C8orf34: variants seen among roughly 807,000 people sequenced by gnomAD.
C8orf34 encodes chromosome 8 open reading frame 34.
Under a neutral mutation model 68.3 loss-of-function variants are expected in C8orf34, and 65 were observed. The observed-to-expected ratio is 0.95, with a 90% CI of 0.78 to 1.17. The LOEUF is 1.17. C8orf34 is among the 50% of genes most tolerant of loss of function. The pLI is 0.00. For synonymous variants in C8orf34, 244 were observed against 241.2 expected (o/e 1.01, Z -0.11); for missense variants, 664 against 655.4 (o/e 1.01, Z -0.14).
intron 8 of C8orf34, among the ~76,000 whole-genome samples, chr8:68,665,153 G>A (rs1045405472): frequency 2.0e-5 from 3 of 152,146 alleles, no homozygotes; most frequent in African/African-American, 7.2e-5. Flanking sequence ...TTTGTGTAAT[G>A]AACAGTCCAT....
At chr8:68,458,289 T>C (rs1002839980) in intron 3 of C8orf34, among the ~76,000 whole-genome samples, 4 of 152,198 alleles carry the variant, frequency 2.6e-5, no homozygotes, top group African/African-American at 9.6e-5. Context: ...ATTTGTGGTT[T>C]CTCATGATTC....
chr8:68,373,631 T>G (rs950024516), intron 1 of C8orf34, among the ~76,000 whole-genome samples: 3 of 152,232 alleles, frequency 2.0e-5, no homozygotes, highest in African/African-American at 7.2e-5. Flanking sequence ...TATGGTTAAC[T>G]TAATGGTAAA....
chr8:68,768,821 C>T (rs1361749318), intron 10 of C8orf34, among the ~76,000 whole-genome samples: 4 of 152,022 alleles, frequency 2.6e-5, no homozygotes, highest in Admixed American at 6.6e-5. Flanking sequence ...ATGTTAATAC[C>T]ACCAGTTCCC....
At chr8:68,333,151 G>A (rs1805703432) in intron 1 of C8orf34, among the ~76,000 whole-genome samples, 1 of 152,130 alleles carries the variant, frequency 6.6e-6, no homozygotes, top group Non-Finnish European at 1.5e-5. Context: ...AGGAATATAT[G>A]TAAACTTTCT....
chr8:68,477,884 C>G (rs1010742509), intron 4 of C8orf34, among the ~76,000 whole-genome samples: 1 of 152,188 alleles, frequency 6.6e-6, no homozygotes, highest in Non-Finnish European at 1.5e-5. Context: ...ACCACTGGAG[C>G]TGAAACGGCT....
chr8:68,371,134 T>C (rs1006405917), intron 1 of C8orf34, among the ~76,000 whole-genome samples: 19 of 152,132 alleles, frequency 1.2e-4, no homozygotes, highest in South Asian at 4.1e-4. Context: ...CCAAAGAAGC[T>C]TGGGGTCCAA....
intron 10 of C8orf34, among the ~76,000 whole-genome samples, chr8:68,725,256 G>A (rs1244105870): frequency 6.6e-6 from 1 of 152,116 alleles, no homozygotes; most frequent in African/African-American, 2.4e-5. Context: ...GATAGTAAAT[G>A]TCTTACTGAC....
At chr8:68,588,701 T>C (rs191490679) in intron 7 of C8orf34, among the ~76,000 whole-genome samples, 49 of 152,204 alleles carry the variant, frequency 3.2e-4, no homozygotes, top group African/African-American at 1.1e-3. Context: ...AAGTGGAAAA[T>C]TGGATAGTTT....
chr8:68,574,998 T>G (rs113338968), intron 7 of C8orf34, among the ~76,000 whole-genome samples: 20 of 152,074 alleles, frequency 1.3e-4, no homozygotes, highest in African/African-American at 4.8e-4. Context: ...TACAGAAATT[T>G]TAATAAATAT....
intron 7 of C8orf34, among the ~76,000 whole-genome samples, chr8:68,564,523 T>A (rs1816527323): frequency 6.6e-6 from 1 of 152,176 alleles, no homozygotes; most frequent in Non-Finnish European, 1.5e-5. Flanking sequence ...TTGCTCCTGG[T>A]CCTATGTGGG....
intron 10 of C8orf34, among the ~76,000 whole-genome samples, chr8:68,772,239 A>G (rs1010970239): frequency 1.6e-4 from 24 of 152,218 alleles, no homozygotes; most frequent in African/African-American, 5.5e-4. Flanking sequence ...TTAGACAGAT[A>G]CTGTTTGTGA....
intron 10 of C8orf34, among the ~76,000 whole-genome samples, chr8:68,771,733 G>T (rs1823343475): frequency 6.6e-6 from 1 of 151,976 alleles, no homozygotes; most frequent in East Asian, 1.9e-4. Context: ...TGTATGCAGA[G>T]GCTACAACAG....
chr8:68,684,761 G>GA (rs1042699411), intron 8 of C8orf34, among the ~76,000 whole-genome samples: 2 of 150,796 alleles, frequency 1.3e-5, no homozygotes, highest in Admixed American at 6.6e-5. Context: ...AAGAATTTTA[G>GA]AAAAAAAATT....
intron 7 of C8orf34, among the ~76,000 whole-genome samples, chr8:68,597,284 C>T (rs1286653198): frequency 4.6e-5 from 7 of 152,002 alleles, no homozygotes; most frequent in Non-Finnish European, 1.0e-4. Flanking sequence ...GGGTCACATG[C>T]GCATTCTCAT....
chr8:68,480,039 A>T (rs914052417), intron 4 of C8orf34, among the ~76,000 whole-genome samples: 1 of 152,238 alleles, frequency 6.6e-6, no homozygotes, highest in Non-Finnish European at 1.5e-5. Flanking sequence ...CCGTAACAGA[A>T]AATGTTTTCA....
chr8:68,750,763 C>T (rs532832489), intron 10 of C8orf34, among the ~76,000 whole-genome samples: 1 of 152,250 alleles, frequency 6.6e-6, no homozygotes, highest in South Asian at 2.1e-4. Context: ...ATCAATTAGT[C>T]ATCCTCATAG....
chr8:68,686,385 A>G (rs1820519005), intron 8 of C8orf34, among the ~76,000 whole-genome samples: 1 of 152,150 alleles, frequency 6.6e-6, no homozygotes, highest in Non-Finnish European at 1.5e-5. Flanking sequence ...AATCCTCAAC[A>G]AAATACCAAC....
chr8:68,721,091 A>G (rs1821659313), intron 9 of C8orf34, among the ~76,000 whole-genome samples: 1 of 152,010 alleles, frequency 6.6e-6, no homozygotes, highest in Non-Finnish European at 1.5e-5. Flanking sequence ...AATATGCCAA[A>G]ATATCTTGCT....
chr8:68,621,132 G>C (rs1818376995), intron 7 of C8orf34, among the ~76,000 whole-genome samples: 1 of 152,176 alleles, frequency 6.6e-6, no homozygotes, highest in Non-Finnish European at 1.5e-5. Flanking sequence ...AGTACAAGAT[G>C]TGTACTCCTC....
Sources: allele counts gnomAD v4.1 joint callset (sites outside exome capture counted in the v4.1 genomes callset), GRCh38; gene constraint gnomAD v4.1.1; transcripts MANE v1.5; gene names NCBI Gene and HGNC (gene_info 2026-07-23, HGNC 2026-07-21).